Variants in BCR observed in about 807,000 individuals in gnomAD.
The protein encoded by BCR is BCR activator of RhoGEF and GTPase.
Under a neutral mutation model 138.6 loss-of-function variants are expected in BCR, and 58 were observed. The observed-to-expected ratio is 0.42, with a 90% confidence interval of 0.34 to 0.52. The LOEUF is 0.52. BCR is among the 20% of genes least tolerant of loss of function. The pLI, the probability that BCR is intolerant of heterozygous loss-of-function variation, is 0.06. For missense variants in BCR, 1,599 were observed against 1,727.2 expected, an observed-to-expected ratio of 0.93 and a Z score of 1.32; for synonymous variants, 786 against 730.1, an observed-to-expected ratio of 1.08 and a Z score of -1.23.
chr22:23,234,510 G>A (rs1184197841), intron 1 of BCR, among the ~76,000 whole-genome samples: 1 of 152,116 alleles, frequency 6.6e-6, no homozygotes, highest in African/African-American at 2.4e-5. Context: ...GTGGAGTGTC[G>A]AGGAGGACCC....
chr22:23,249,422 ACT>A (rs1346539089), intron 1 of BCR, among the ~76,000 whole-genome samples: 3 of 138,564 alleles, frequency 2.2e-5, no homozygotes, highest in East Asian at 2.1e-4. Context: ...ACAGAGCAAG[ACT>A]CTGTCTCAAA....
At chr22:23,303,477 C>T (rs1463753311) in intron 16 of BCR, among the ~76,000 whole-genome samples, 2 of 152,216 alleles carry the variant, frequency 1.3e-5, no homozygotes, top group African/African-American at 4.8e-5. Flanking sequence ...GCCTGGGGGG[C>T]ATTCCGAGAT....
At chr22:23,202,747 GTATATA>G (rs200927033) in intron 1 of BCR, among the ~76,000 whole-genome samples, 276 of 145,182 alleles carry the variant, frequency 1.9e-3, no homozygotes, top group African/African-American at 5.8e-3. Flanking sequence ...GTGTGTGTGT[GTATATA>G]TATATATATT....
chr22:23,287,541 G>A (rs901516178), intron 11 of BCR, among the ~76,000 whole-genome samples: 2 of 152,242 alleles, frequency 1.3e-5, no homozygotes, highest in African/African-American at 4.8e-5. Flanking sequence ...GCAGGTTTGT[G>A]CAGATCTGGC....
intron 1 of BCR, among the ~76,000 whole-genome samples, chr22:23,225,853 T>A (rs2072885732): frequency 6.6e-6 from 1 of 152,250 alleles, no homozygotes; most frequent in Non-Finnish European, 1.5e-5. Context: ...GCACAGTCAG[T>A]GCATCCCAGG....
intron 16 of BCR, among the ~76,000 whole-genome samples, chr22:23,305,752 T>G (rs2073948994): frequency 6.6e-6 from 1 of 152,132 alleles, no homozygotes; most frequent in Non-Finnish European, 1.5e-5. Context: ...ACCTGGTCCA[T>G]CCTCCTGAGA....
chr22:23,192,126 A>G (rs913507777), intron 1 of BCR, among the ~76,000 whole-genome samples: 2 of 152,176 alleles, frequency 1.3e-5, no homozygotes, highest in African/African-American at 4.8e-5. Context: ...CCACTGAAGT[A>G]GTAAATATGA....
At chr22:23,309,312 T>C in intron 16 of BCR, 112 bp from the exon 17 acceptor site, 1 of 958,064 alleles carries the variant, frequency 1.0e-6, no homozygotes, top group Non-Finnish European at 1.6e-6. Context: ...CTGGCCGCAG[T>C]CGGGCTCTGC....
intron 8 of BCR, chr22:23,283,757 G>T: frequency 1.8e-6 from 1 of 563,076 alleles, no homozygotes; most frequent in South Asian, 2.6e-5. Context: ...GAAATTTGTT[G>T]AACAAAGAAG....
At chr22:23,272,082 T>A (rs564798036) in intron 6 of BCR, among the ~76,000 whole-genome samples, 6 of 152,280 alleles carry the variant, frequency 3.9e-5, no homozygotes, top group African/African-American at 1.4e-4. Context: ...CCTCCCAAAG[T>A]GCTGGGATTA....
chr22:23,192,162 C>T (rs2072423567), intron 1 of BCR, among the ~76,000 whole-genome samples: 1 of 152,100 alleles, frequency 6.6e-6, no homozygotes, highest in African/African-American at 2.4e-5. Flanking sequence ...CTTCATGGGC[C>T]CTCGAAAGTT....
intron 1 of BCR, among the ~76,000 whole-genome samples, chr22:23,242,360 A>G (rs1156285577): frequency 1.3e-5 from 2 of 152,066 alleles, no homozygotes; most frequent in Non-Finnish European, 2.9e-5. Context: ...GATAAGGGCT[A>G]TTTTCTCCCC....
intron 1 of BCR, among the ~76,000 whole-genome samples, chr22:23,202,861 G>GT (rs68082217): frequency 0.057 from 8,515 of 149,220 alleles, 361 homozygotes; most frequent in African/African-American, 0.11. Context: ...TTTTTGTGGG[G>GT]TTTTTTTTTT....
chr22:23,241,323 C>T (rs1426529976), intron 1 of BCR, among the ~76,000 whole-genome samples: 1 of 152,206 alleles, frequency 6.6e-6, no homozygotes, highest in Non-Finnish European at 1.5e-5. Flanking sequence ...AGTCCCTCTT[C>T]CTGCCATTCC....
chr22:23,249,235 C>T (rs1190866923), intron 1 of BCR, among the ~76,000 whole-genome samples: 2 of 152,052 alleles, frequency 1.3e-5, no homozygotes, highest in Non-Finnish European at 2.9e-5. Context: ...GGAGACCATC[C>T]TGGCTAACAT....
chr22:23,254,053 G>T, intron 2 of BCR, 73 bp downstream of exon 2: 1 of 1,470,694 alleles, frequency 6.8e-7, no homozygotes, highest in Non-Finnish European at 9.1e-7. Context: ...ATGCTCAGGG[G>T]TATGTAGCAG....
rs75695389 is a variant in BCR at position 23,180,765 on chromosome 22, C to T, written c.-196C>T. The T allele has an allele frequency of 0.018, 2,814 of 160,578 alleles. 34 individuals are homozygous for T. The highest frequency in any genetic ancestry group is 0.032 in the Middle Eastern group (10 of 310). 9.9% of individuals were successfully genotyped at this position (160,578 alleles called of 1,614,324 possible). A position where few individuals can be genotyped will look rare whatever the true frequency, so the allele number is the denominator to read the frequency against. On this transcript the variant is annotated 5_prime_UTR_variant, in exon 1 of 23. Coordinates refer to ENST00000305877, the MANE Select transcript of BCR (RefSeq NM_004327.4). ...GCAGCCCGCGCCCTTCCCCCCGGCG[C>T]GCCCCGCCCCGCGCGCCGAGCGCCC...
intron 4 of BCR, chr22:23,263,834 A>G (rs2073402511): frequency 4.5e-6 from 5 of 1,110,004 alleles, no homozygotes; most frequent in South Asian, 2.5e-5. Flanking sequence ...GGTAGTGTTT[A>G]TACACCATCC....
intron 1 of BCR, among the ~76,000 whole-genome samples, chr22:23,213,685 T>C (rs908366359): frequency 6.6e-6 from 1 of 151,970 alleles, no homozygotes; most frequent in Non-Finnish European, 1.5e-5. Context: ...TATTAATTGC[T>C]GGGGCGTGGT....
Sources: gnomAD v4.1 joint callset for allele counts (sites outside exome capture counted in the v4.1 genomes callset) on GRCh38, gnomAD v4.1.1 for gene constraint, MANE v1.5 for transcripts, NCBI Gene and HGNC (gene_info 2026-07-23, HGNC 2026-07-21) for gene names.